The following SORCS1 variants were observed in gnomAD, a reference collection of about 807,000 sequenced individuals.
SORCS1 encodes the protein sortilin related VPS10 domain containing receptor 1.
Under a neutral mutation model 146.1 loss-of-function variants are expected in SORCS1, and 60 were observed. The observed-to-expected ratio is 0.41, with a 90% CI of 0.33 to 0.51. The LOEUF is 0.51. SORCS1 is among the 20% of genes least tolerant of loss of function. The probability of loss-of-function intolerance (pLI) is 0.21; values close to 1 mark genes in which losing one functional copy is unlikely to be tolerated. For synonymous variants in SORCS1, 637 were observed against 584.0 expected (o/e 1.09, Z -1.31); for missense variants, 1,352 against 1,487.6 (o/e 0.91, Z 1.50).
the SORCS1 span, among the ~76,000 whole-genome samples, chr10:107,173,552 G>C: frequency 6.6e-6 from 1 of 152,102 alleles, no homozygotes; most frequent in African/African-American, 2.4e-5. Flanking sequence ...TTCTTAATAT[G>C]ATGTAATTCA....
intron 4 of SORCS1, among the ~76,000 whole-genome samples, chr10:106,762,284 TAGCTTATCTATGTA>T (rs1252278322): frequency 6.6e-6 from 1 of 151,990 alleles, no homozygotes; most frequent in Admixed American, 6.6e-5. Context: ...TAAATAAGCC[TAGCTTATCTATGTA>T]AGCTTATCTA....
intron 19 of SORCS1, among the ~76,000 whole-genome samples, chr10:106,625,239 T>C (rs538844563): frequency 5.1e-4 from 72 of 140,578 alleles, no homozygotes; most frequent in Middle Eastern, 3.5e-3. Flanking sequence ...TGTGTGTGTG[T>C]GTGTGTGTAC....
chr10:106,605,100 C>A (rs999427345), intron 23 of SORCS1, among the ~76,000 whole-genome samples: 1 of 152,204 alleles, frequency 6.6e-6, no homozygotes, highest in South Asian at 2.1e-4. Context: ...AGTCACACAG[C>A]CTTCAAGCAA....
intron 2 of SORCS1, among the ~76,000 whole-genome samples, chr10:106,910,328 T>TAGAG (rs531895727): frequency 0.034 from 3,547 of 103,554 alleles, 128 homozygotes; most frequent in African/African-American, 0.15. Context: ...ACAGTATATA[T>TAGAG]ATATAGAGAG....
chr10:106,621,601 G>A (rs568256750), intron 19 of SORCS1, among the ~76,000 whole-genome samples: 1 of 151,632 alleles, frequency 6.6e-6, no homozygotes, highest in Non-Finnish European at 1.5e-5. Flanking sequence ...GACTCCTTCT[G>A]GGGGGGTCTA....
chr10:106,697,692 T>C (rs192884222), intron 9 of SORCS1, among the ~76,000 whole-genome samples: 27 of 152,270 alleles, frequency 1.8e-4, no homozygotes, highest in Admixed American at 1.3e-3. Flanking sequence ...GATTAACTCA[T>C]TTAATCCTCA....
At chr10:106,692,922 A>G (rs1207087144) in intron 9 of SORCS1, among the ~76,000 whole-genome samples, 1 of 152,000 alleles carries the variant, frequency 6.6e-6, no homozygotes, top group Non-Finnish European at 1.5e-5. Flanking sequence ...ATTATTATAT[A>G]TACCCTGAAA....
At chr10:106,876,754 C>T (rs1214222993) in intron 2 of SORCS1, among the ~76,000 whole-genome samples, 1 of 152,170 alleles carries the variant, frequency 6.6e-6, no homozygotes. Context: ...TTACTTAATT[C>T]GTTCAGTCTT....
chr10:106,808,826 G>A (rs1947318188), intron 3 of SORCS1, among the ~76,000 whole-genome samples: 3 of 152,154 alleles, frequency 2.0e-5, no homozygotes, highest in Non-Finnish European at 2.9e-5. Context: ...GTTTCTGAAT[G>A]TCTTTTGTTA....
chr10:107,132,989 G>A (rs1015702194), intron 1 of SORCS1, among the ~76,000 whole-genome samples: 1 of 152,164 alleles, frequency 6.6e-6, no homozygotes, highest in Admixed American at 6.5e-5. Context: ...TATCAGTGTG[G>A]GGACAAAGGG....
chr10:106,901,766 G>A lies in SORCS1; in HGVS notation c.626+54747C>T, dbSNP rs11813980. On this transcript the variant is annotated intron_variant, in intron 2 of 25. Coordinates refer to ENST00000263054, the MANE Select transcript of SORCS1 (RefSeq NM_052918.5). ...TTTAAAAAATTAGATTTTACTGGCC[G>A]GGCGAGGTGGCTCATGCCTGTAATC... Among the ~76,000 whole-genome samples, 679 of 152,254 alleles carry A rather than the reference G, an allele frequency of 4.5e-3. 7 individuals carry two copies. The highest frequency in any genetic ancestry group is 0.016 in the African/African-American group (665 of 41,556).
At position 106,576,954 on chromosome 10, in the gene SORCS1, A is replaced by G. The variant is rs1273329977; in HGVS notation, c.*466T>C. The G allele has an allele frequency of 2.8e-5, 7 of 252,658 alleles. No homozygotes were observed. The highest frequency in any genetic ancestry group is 9.4e-5 in the South Asian group (2 of 21,284). The allele number at this position is 252,658 out of a possible 1,614,324, so 15.7% of individuals were successfully genotyped here. A position where few individuals can be genotyped will look rare whatever the true frequency, so the allele number is the denominator to read the frequency against. Reference sequence around the variant, plus strand: ...ATGTTATGAATTTTCTACAAACACGACCGATCAGAAAAAAGAGAGAGAAGA... The same window carrying G: ...ATGTTATGAATTTTCTACAAACACGGCCGATCAGAAAAAAGAGAGAGAAGA... On this transcript the variant is annotated 3_prime_UTR_variant, in exon 26 of 26. Transcript: ENST00000263054.
chr10:107,059,441 CT>C (rs1403781722), intron 1 of SORCS1, among the ~76,000 whole-genome samples: 2 of 152,142 alleles, frequency 1.3e-5, no homozygotes, highest in African/African-American at 2.4e-5. Context: ...TTGTTTTCCA[CT>C]GTTTAAAGGC....
At chr10:106,670,207 T>C (rs1406219723) in intron 16 of SORCS1, among the ~76,000 whole-genome samples, 1 of 152,182 alleles carries the variant, frequency 6.6e-6, no homozygotes, top group Non-Finnish European at 1.5e-5. Context: ...ACCACCTACT[T>C]GTCCTCAATA....
chr10:107,013,999 T>C (rs546502627), intron 1 of SORCS1, among the ~76,000 whole-genome samples: 1 of 152,162 alleles, frequency 6.6e-6, no homozygotes, highest in African/African-American at 2.4e-5. Context: ...GGCTCATGCC[T>C]GTAATCCCAG....
At chr10:107,107,684 T>C (rs561438101) in intron 1 of SORCS1, among the ~76,000 whole-genome samples, 30 of 152,302 alleles carry the variant, frequency 2.0e-4, no homozygotes, top group African/African-American at 6.7e-4. Context: ...TAGGAGGTTG[T>C]GAAATTCCAG....
intron 4 of SORCS1, among the ~76,000 whole-genome samples, chr10:106,768,332 C>A (rs1859734332): frequency 6.6e-6 from 1 of 152,168 alleles, no homozygotes; most frequent in South Asian, 2.1e-4. Flanking sequence ...TTATAAAAAA[C>A]TGAGTGCCTT....
At chr10:107,012,536 C>A (rs1360962121) in intron 1 of SORCS1, among the ~76,000 whole-genome samples, 1 of 148,502 alleles carries the variant, frequency 6.7e-6, no homozygotes, top group African/African-American at 2.4e-5. Context: ...AGAAAGATAT[C>A]ATCATCCTCA....
At chr10:106,862,219 C>A (rs1258433168) in intron 2 of SORCS1, among the ~76,000 whole-genome samples, 1 of 152,112 alleles carries the variant, frequency 6.6e-6, no homozygotes, top group African/African-American at 2.4e-5. Context: ...TAAATATCAT[C>A]CCCAAATCAC....
Sources: gnomAD v4.1 joint callset for allele counts (sites outside exome capture counted in the v4.1 genomes callset) on GRCh38, gnomAD v4.1.1 for gene constraint, MANE v1.5 for transcripts, NCBI Gene and HGNC (gene_info 2026-07-23, HGNC 2026-07-21) for gene names.